Variants in TBC1D5 observed in about 807,000 individuals in gnomAD.
TBC1D5 encodes the protein TBC1 domain family, member 5.
Under a neutral mutation model 100.3 loss-of-function variants are expected in TBC1D5, and 75 were observed. The observed-to-expected ratio is 0.75, with a 90% CI of 0.62 to 0.91. The LOEUF (loss-of-function observed/expected upper bound fraction) is 0.91, where lower values mean the gene tolerates loss of function less well. TBC1D5 is among the 40% of genes least tolerant of loss of function. TBC1D5 has a pLI of 0.00. For missense variants in TBC1D5, 910 were observed against 942.4 expected (o/e 0.97, Z 0.45); for synonymous variants, 323 against 325.6 (o/e 0.99, Z 0.09).
intron 18 of TBC1D5, among the ~76,000 whole-genome samples, chr3:17,190,972 C>T (rs1038860228): frequency 2.1e-4 from 32 of 152,174 alleles, no homozygotes; most frequent in Non-Finnish European, 3.8e-4. Context: ...CACGGATGTT[C>T]GGAGGAAGCT....
chr3:17,622,261 T>A (rs573729118), intron 2 of TBC1D5, among the ~76,000 whole-genome samples: 1 of 152,266 alleles, frequency 6.6e-6, no homozygotes, highest in Admixed American at 6.5e-5. Flanking sequence ...CTACTCACCA[T>A]TCACCTCTTG....
chr3:17,455,334 GTATATGTA>G (rs906351813), intron 3 of TBC1D5, among the ~76,000 whole-genome samples: 9 of 133,420 alleles, frequency 6.7e-5, no homozygotes, highest in East Asian at 2.0e-4. Context: ...GTGTATATAT[GTATATGTA>G]TATATGTATA....
At chr3:17,407,670 C>T (rs1209063652) in intron 4 of TBC1D5, among the ~76,000 whole-genome samples, 1 of 152,098 alleles carries the variant, frequency 6.6e-6, no homozygotes, top group Non-Finnish European at 1.5e-5. Context: ...TGCATCTTCT[C>T]CAGAAAAGAA....
intron 13 of TBC1D5, among the ~76,000 whole-genome samples, chr3:17,350,481 C>T (rs1055888470): frequency 6.6e-6 from 1 of 152,070 alleles, no homozygotes; most frequent in Non-Finnish European, 1.5e-5. Context: ...TTTTATTTCA[C>T]CAGAGACATA....
At chr3:17,160,744 G>T in exon 22 of TBC1D5, 1 of 569,718 alleles carries the variant, frequency 1.8e-6, no homozygotes, top group Non-Finnish European at 3.0e-6. Context: ...TTAGGTAAGG[G>T]CCCAGAAAGC....
chr3:17,441,556 G>A (rs953578531), intron 3 of TBC1D5, among the ~76,000 whole-genome samples: 1 of 152,292 alleles, frequency 6.6e-6, no homozygotes, highest in Admixed American at 6.5e-5. Context: ...CTGGAGGACT[G>A]GGGGCAGAGT....
intron 13 of TBC1D5, among the ~76,000 whole-genome samples, chr3:17,344,609 G>C (rs959129623): frequency 2.0e-5 from 3 of 152,280 alleles, no homozygotes; most frequent in South Asian, 2.1e-4. Context: ...GCATCGCCAA[G>C]TCAATCCTAA....
chr3:17,192,525 G>A (rs913345586), intron 18 of TBC1D5, among the ~76,000 whole-genome samples: 1 of 152,248 alleles, frequency 6.6e-6, no homozygotes, highest in African/African-American at 2.4e-5. Flanking sequence ...GATTCTTAAA[G>A]ATATTTTAAA....
intron 18 of TBC1D5, among the ~76,000 whole-genome samples, chr3:17,188,683 A>G (rs1300617428): frequency 6.6e-6 from 1 of 152,244 alleles, no homozygotes; most frequent in Non-Finnish European, 1.5e-5. Flanking sequence ...TTATATAATT[A>G]CACATAAAAG....
intron 2 of TBC1D5, among the ~76,000 whole-genome samples, chr3:17,580,192 C>A (rs753819661): frequency 1.3e-5 from 2 of 152,046 alleles, no homozygotes; most frequent in Admixed American, 6.6e-5. Context: ...TTCTCCAGAG[C>A]ATTTTACAGA....
At chr3:17,576,606 A>G (rs2096658477) in intron 2 of TBC1D5, 1 of 152,054 alleles carries the variant, frequency 6.6e-6, no homozygotes, top group Non-Finnish European at 1.5e-5. Context: ...GTTTTTCAAC[A>G]CTGTATTTCT....
At chr3:17,405,478 TAACA>T (rs1007213514) in intron 5 of TBC1D5, among the ~76,000 whole-genome samples, 18 of 152,102 alleles carry the variant, frequency 1.2e-4, no homozygotes, top group Admixed American at 3.3e-4. Flanking sequence ...CTTATGAAAA[TAACA>T]AACAATCTTA....
chr3:17,272,103 G>T (rs1285982225), intron 15 of TBC1D5, among the ~76,000 whole-genome samples: 1 of 152,118 alleles, frequency 6.6e-6, no homozygotes, highest in East Asian at 1.9e-4. Context: ...GAAAGGAGAG[G>T]TGCAGCTTAG....
At chr3:17,609,755 G>A (rs912796785) in intron 2 of TBC1D5, among the ~76,000 whole-genome samples, 3 of 152,126 alleles carry the variant, frequency 2.0e-5, no homozygotes, top group African/African-American at 7.2e-5. Flanking sequence ...CAAGAGACAC[G>A]TTGCCAGTTG....
At chr3:17,632,796 T>G (rs977074149) in intron 1 of TBC1D5, among the ~76,000 whole-genome samples, 1 of 152,172 alleles carries the variant, frequency 6.6e-6, no homozygotes, top group Non-Finnish European at 1.5e-5. Flanking sequence ...CATAATGCTA[T>G]TATACATTTA....
rs527795670 is a variant in TBC1D5, at chr3:17,360,060, C to A, written c.995+12015G>T. ...GGGTAGAAATTACTTTCCTTCCAAT[C>A]TAAATGTATTCTGCCAACAGACTGG... On this transcript the variant is annotated intron_variant, in intron 13 of 21. Transcript: ENST00000253692. Among the ~76,000 whole-genome samples the A allele has an allele frequency of 2.0e-5, 3 of 152,062 alleles. No individual in the cohort carries two copies. In the East Asian group the frequency reaches 5.8e-4, roughly 29 times the overall value.
At chr3:17,244,274 C>CT (rs907583537) in intron 16 of TBC1D5, among the ~76,000 whole-genome samples, 1 of 152,172 alleles carries the variant, frequency 6.6e-6, no homozygotes, top group African/African-American at 2.4e-5. Flanking sequence ...CTTTCCAACT[C>CT]TAAGAGTTTA....
At chr3:17,375,114 C>T (rs577811047) in intron 10 of TBC1D5, among the ~76,000 whole-genome samples, 1 of 152,256 alleles carries the variant, frequency 6.6e-6, no homozygotes, top group African/African-American at 2.4e-5. Flanking sequence ...GACAACACCT[C>T]TTAAGCATTT....
At chr3:17,367,687 C>T (rs1384211643) in intron 13 of TBC1D5, among the ~76,000 whole-genome samples, 1 of 151,912 alleles carries the variant, frequency 6.6e-6, no homozygotes, top group Middle Eastern at 3.2e-3. Context: ...GGTGAAACCC[C>T]ATCTCTACTG....
Sources: allele counts gnomAD v4.1 joint callset (sites outside exome capture counted in the v4.1 genomes callset), GRCh38; gene constraint gnomAD v4.1.1; transcripts MANE v1.5; gene names NCBI Gene and HGNC (gene_info 2026-07-23, HGNC 2026-07-21).